Variants in MSH3 observed in about 807,000 individuals in gnomAD.
MSH3 encodes mutS homolog 3.
In MSH3, 106 loss-of-function variants were observed where a neutral mutation model predicts 123.3. That is an observed-to-expected ratio of 0.86 (90% confidence interval 0.73 to 1.01). The LOEUF (loss-of-function observed/expected upper bound fraction) is 1.01. MSH3 is among the 50% of genes least tolerant of loss of function. MSH3 has a pLI of 0.00. For missense variants in MSH3, 1,459 were observed against 1,347.6 expected (o/e 1.08, Z -1.29); for synonymous variants, 515 against 481.4 (o/e 1.07, Z -0.91).
chr5:80,820,646 G>A (rs990347700), intron 20 of MSH3, among the ~76,000 whole-genome samples: 1 of 152,172 alleles, frequency 6.6e-6, no homozygotes, highest in African/African-American at 2.4e-5. Flanking sequence ...ACATCCCCTT[G>A]TGATTCAAAC....
chr5:80,829,148 T>C (rs1745376425), intron 20 of MSH3, among the ~76,000 whole-genome samples: 1 of 152,222 alleles, frequency 6.6e-6, no homozygotes. Flanking sequence ...GCCCCACCTC[T>C]TAGTACTGTT....
At chr5:80,681,131 A>C (rs2112820810) in intron 8 of MSH3, among the ~76,000 whole-genome samples, 1 of 152,254 alleles carries the variant, frequency 6.6e-6, no homozygotes, top group Non-Finnish European at 1.5e-5. Flanking sequence ...TGATCATTTA[A>C]ATAATCTTTG....
At chr5:80,869,210 A>C (rs571482250) in intron 22 of MSH3, among the ~76,000 whole-genome samples, 5 of 152,230 alleles carry the variant, frequency 3.3e-5, no homozygotes, top group Non-Finnish European at 5.9e-5. Context: ...ACATCTCTTT[A>C]ATAACTGCTT....
At position 80,753,075 on chromosome 5, in the gene MSH3, A is replaced by G. The variant is rs1048831994; in HGVS notation, c.1763+8460A>G. Reference sequence around the variant, plus strand: ...TGCAATATTTAATTTTTAAAAAATTATACAGAAAATACACACACATGAATT... The same window carrying G: ...TGCAATATTTAATTTTTAAAAAATTGTACAGAAAATACACACACATGAATT... On this transcript the variant is annotated intron_variant, in intron 12 of 23. Transcript: ENST00000265081. Among the ~76,000 whole-genome samples the G allele has an allele frequency of 2.0e-5, 3 of 152,208 alleles. No homozygotes were observed. The East Asian group carries it at 5.8e-4, about 29-fold the overall frequency.
intron 3 of MSH3, among the ~76,000 whole-genome samples, chr5:80,668,154 C>T (rs920761632): frequency 3.9e-5 from 6 of 152,074 alleles, no homozygotes; most frequent in African/African-American, 9.7e-5. Flanking sequence ...AGCTCCTCTC[C>T]GCAGGCAGGT....
At chr5:80,699,919 T>G (rs1561448446) in intron 8 of MSH3, among the ~76,000 whole-genome samples, 1 of 152,220 alleles carries the variant, frequency 6.6e-6, no homozygotes, top group Non-Finnish European at 1.5e-5. Flanking sequence ...TCTGTTGTGG[T>G]ATTCGTAGGA....
chr5:80,734,140 T>C (rs915673094), intron 10 of MSH3, among the ~76,000 whole-genome samples: 6 of 152,228 alleles, frequency 3.9e-5, no homozygotes, highest in Admixed American at 1.3e-4. Context: ...GAAGTACAGA[T>C]ACATGTTGCA....
chr5:80,709,393 T>C (rs1012407726), intron 8 of MSH3, among the ~76,000 whole-genome samples: 9 of 152,230 alleles, frequency 5.9e-5, no homozygotes, highest in African/African-American at 9.6e-5. Context: ...GAGGCCAAGG[T>C]GGGCGGATCA....
intron 12 of MSH3, among the ~76,000 whole-genome samples, chr5:80,760,870 C>T (rs966009431): frequency 1.3e-5 from 2 of 152,120 alleles, no homozygotes; most frequent in African/African-American, 4.8e-5. Flanking sequence ...TGGCTTACAT[C>T]ATTCCCACCC....
intron 15 of MSH3, among the ~76,000 whole-genome samples, chr5:80,771,790 A>T (rs1339146910): frequency 6.6e-6 from 1 of 152,166 alleles, no homozygotes; most frequent in Non-Finnish European, 1.5e-5. Context: ...TGTTATTTTG[A>T]CAACATTCAT....
chr5:80,834,639 AAAT>A (rs1745478389), intron 20 of MSH3, among the ~76,000 whole-genome samples: 2 of 13,074 alleles, frequency 1.5e-4, no homozygotes, highest in African/African-American at 4.4e-4. Flanking sequence ...TACTTAATAA[AAAT>A]AAATACTTAA....
chr5:80,689,328 A>G (rs1464515055), intron 8 of MSH3, among the ~76,000 whole-genome samples: 2 of 152,182 alleles, frequency 1.3e-5, no homozygotes, highest in African/African-American at 4.8e-5. Flanking sequence ...CAACCTTTTA[A>G]TTTACTACTT....
chr5:80,729,011 G>A, intron 10 of MSH3, 46 bp downstream of exon 10: 1 of 1,091,318 alleles, frequency 9.2e-7, no homozygotes, highest in Middle Eastern at 2.2e-4. Flanking sequence ...CTTATATTAT[G>A]AACATTTCTT....
chr5:80,792,425 AG>A (rs1744624099), intron 18 of MSH3, among the ~76,000 whole-genome samples: 3 of 151,464 alleles, frequency 2.0e-5, no homozygotes, highest in Admixed American at 6.6e-5. Context: ...AAAAAAAAAA[AG>A]AAAGAAAAGA....
intron 12 of MSH3, among the ~76,000 whole-genome samples, chr5:80,758,100 G>A (rs915543512): frequency 6.6e-6 from 1 of 152,146 alleles, no homozygotes; most frequent in Non-Finnish European, 1.5e-5. Context: ...AGCACAGCGA[G>A]TACTTCAGAT....
At chr5:80,868,098 A>C (rs1746136599) in intron 22 of MSH3, among the ~76,000 whole-genome samples, 1 of 152,202 alleles carries the variant, frequency 6.6e-6, no homozygotes, top group Admixed American at 6.5e-5. Flanking sequence ...CAGAATAGGT[A>C]TTATTAAAAA....
At position 80,670,193 on chromosome 5, in the gene MSH3, A is replaced by G. The variant is rs572251871; in HGVS notation, c.676A>G (p.Lys226Glu). The G allele has an allele frequency of 1.2e-6, 2 of 1,614,174 alleles. No homozygotes were observed. The highest frequency in any genetic ancestry group is 1.1e-5 in the South Asian group (1 of 91,086). ...TASKSANKRS[K>E]SIYTPLELQY... The stretch of plus-strand genomic sequence containing the variant: ...TTCCAAATCAGCTAACAAACGGTCC[A>G]AAAGCATCTATACGCCGCTAGAATT... The change falls in exon 4 of 24, where the codon AAA becomes GAA. Residue 226 changes from lysine (K) to glutamate (E), a missense_variant. Physicochemically the swap from Lys to Glu is moderately conservative, Grantham distance 56 (BLOSUM62 1). Coordinates refer to ENST00000265081, the MANE Select transcript of MSH3 (RefSeq NM_002439.5).
At chr5:80,691,023 TAATA>T (rs942690911) in intron 8 of MSH3, among the ~76,000 whole-genome samples, 2 of 151,944 alleles carry the variant, frequency 1.3e-5, no homozygotes, top group African/African-American at 2.4e-5. Flanking sequence ...TTAATATGAT[TAATA>T]AATGTTATTC....
intron 19 of MSH3, among the ~76,000 whole-genome samples, chr5:80,805,869 G>A (rs1744880719): frequency 6.6e-6 from 1 of 151,798 alleles, no homozygotes; most frequent in African/African-American, 2.4e-5. Flanking sequence ...TTACAGGCGT[G>A]GGACACCGCA....
Sources: gnomAD v4.1 joint callset for allele counts (sites outside exome capture counted in the v4.1 genomes callset) on GRCh38, gnomAD v4.1.1 for gene constraint, MANE v1.5 for transcripts, NCBI Gene and HGNC (gene_info 2026-07-23, HGNC 2026-07-21) for gene names.